SND1: variants seen among roughly 807,000 people sequenced by gnomAD.
SND1 encodes staphylococcal nuclease domain-containing protein 1.
In SND1, 38 loss-of-function variants were observed where a neutral mutation model predicts 121.7. That is an observed-to-expected ratio of 0.31 (90% confidence interval 0.24 to 0.41). SND1 has a LOEUF of 0.41. SND1 is among the 10% of genes least tolerant of loss of function. SND1 has a pLI of 1.00. For missense variants in SND1, 868 were observed against 1,184.6 expected, an observed-to-expected ratio of 0.73 and a Z score of 3.92; for synonymous variants, 401 against 447.4, an observed-to-expected ratio of 0.90 and a Z score of 1.31.
intron 17 of SND1, among the ~76,000 whole-genome samples, chr7:128,078,554 G>A (rs1019843368): frequency 1.3e-5 from 2 of 152,220 alleles, no homozygotes; most frequent in African/African-American, 2.4e-5. Flanking sequence ...GCTGGGGGCT[G>A]AGGGCCATCC....
In SND1 at chr7:127,886,725, C is replaced by T. The variant is rs918514537; in HGVS notation, c.1344-1177C>T. On this transcript the variant is annotated intron_variant, in intron 12 of 23. Coordinates refer to ENST00000354725, the MANE Select transcript of SND1 (RefSeq NM_014390.4). The stretch of plus-strand genomic sequence containing the variant: ...TTCCCTTTCCAGGTTGGGGAGGAAC[C>T]ATTCAAATATGTATCATTAAGTGTC... Among the ~76,000 whole-genome samples, 26 of 151,428 alleles carry T rather than the reference C, an allele frequency of 1.7e-4. 1 individual carries two copies. Among genetic ancestry groups the T allele is most frequent in the African/African-American group, 6.3e-4 (26 of 41,212 alleles).
chr7:128,066,180 C>T (rs930372499), intron 16 of SND1, among the ~76,000 whole-genome samples: 2 of 152,188 alleles, frequency 1.3e-5, no homozygotes, highest in African/African-American at 2.4e-5. Context: ...TGCCCCCCTA[C>T]CCCTACCATC....
intron 5 of SND1, 34 bp from the exon 6 acceptor site, chr7:127,702,401 G>T (rs1796120357): frequency 6.3e-7 from 1 of 1,592,088 alleles, no homozygotes. Flanking sequence ...TAGGATGTTT[G>T]CTAAGGACTT....
chr7:127,716,373 A>G (rs759163056), intron 9 of SND1, among the ~76,000 whole-genome samples: 4 of 151,868 alleles, frequency 2.6e-5, no homozygotes, highest in Non-Finnish European at 5.9e-5. Context: ...TATGTCTCTA[A>G]TTTCTTTCAA....
intron 12 of SND1, chr7:127,858,028 A>T: frequency 6.9e-7 from 1 of 1,442,266 alleles, no homozygotes; most frequent in Non-Finnish European, 9.8e-7. Flanking sequence ...ATATTCCCAC[A>T]TCACATCCAC....
At chr7:127,789,303 G>C (rs2116536864) in intron 10 of SND1, among the ~76,000 whole-genome samples, 1 of 152,304 alleles carries the variant, frequency 6.6e-6, no homozygotes, top group Middle Eastern at 3.4e-3. Context: ...TATTAACCCA[G>C]TTAAGAAGCT....
At chr7:127,995,496 A>C (rs972749083) in intron 16 of SND1, among the ~76,000 whole-genome samples, 1 of 152,258 alleles carries the variant, frequency 6.6e-6, no homozygotes, top group African/African-American at 2.4e-5. Flanking sequence ...ATGGGTAAAT[A>C]ACTGGCTTAA....
At chr7:127,677,739 C>T (rs900552288) in intron 1 of SND1, among the ~76,000 whole-genome samples, 1 of 152,210 alleles carries the variant, frequency 6.6e-6, no homozygotes, top group African/African-American at 2.4e-5. Flanking sequence ...GACTTTCATA[C>T]TCTTTTGCAT....
chr7:127,839,317 A>C (rs1390255375), intron 11 of SND1, among the ~76,000 whole-genome samples: 1 of 152,270 alleles, frequency 6.6e-6, no homozygotes, highest in South Asian at 2.1e-4. Flanking sequence ...ATGAGTGGCT[A>C]TGTGGAATAG....
intron 16 of SND1, among the ~76,000 whole-genome samples, chr7:128,018,688 G>A (rs955829307): frequency 3.9e-5 from 6 of 152,186 alleles, no homozygotes; most frequent in Non-Finnish European, 8.8e-5. Flanking sequence ...GGCAGCCTCT[G>A]GAAGCAGTCC....
intron 12 of SND1, among the ~76,000 whole-genome samples, chr7:127,876,384 G>T (rs1371878023): frequency 1.3e-5 from 2 of 152,088 alleles, no homozygotes; most frequent in Non-Finnish European, 2.9e-5. Flanking sequence ...AACTGGGGTA[G>T]AGAGAGAATC....
At chr7:127,717,977 G>A (rs990002151) in intron 9 of SND1, among the ~76,000 whole-genome samples, 4 of 152,120 alleles carry the variant, frequency 2.6e-5, no homozygotes, top group African/African-American at 4.8e-5. Flanking sequence ...TTCCCCTAAC[G>A]GAACTCTGGT....
At chr7:127,873,393 G>A (rs1166759145) in intron 12 of SND1, among the ~76,000 whole-genome samples, 5 of 152,124 alleles carry the variant, frequency 3.3e-5, no homozygotes, top group East Asian at 1.9e-4. Context: ...CCTGGACTCC[G>A]TAATTGGAGT....
In SND1 at chr7:127,691,011, C is replaced by T. The variant is rs892035154; in HGVS notation, c.229-3817C>T. 3.3e-5 allele frequency among the ~76,000 whole-genome samples: 5 copies of T among 152,170 alleles called. No homozygotes were observed. The East Asian group carries it at 5.8e-4, about 18-fold the overall frequency. On this transcript the variant is annotated intron_variant, in intron 2 of 23. Transcript: ENST00000354725. ...TTCACTGTTCCAAGCTAATCCCCAG[C>T]GTTGCCTAGCTACTCCAGGCAGCTT... is the stretch of plus-strand genomic sequence containing the variant.
At chr7:128,030,750 GA>G in intron 16 of SND1, 1 of 1,350,110 alleles carries the variant, frequency 7.4e-7, no homozygotes, top group Non-Finnish European at 1.0e-6. Context: ...TCTGGAGAAG[GA>G]GGTGGGGAGG....
At chr7:127,660,048 A>G (rs980443242) in intron 1 of SND1, among the ~76,000 whole-genome samples, 3 of 144,686 alleles carry the variant, frequency 2.1e-5, no homozygotes, top group African/African-American at 7.9e-5. Flanking sequence ...TTGAGAAAGA[A>G]GATTAGTGGA....
intron 10 of SND1, among the ~76,000 whole-genome samples, chr7:127,807,277 G>T (rs943360239): frequency 6.6e-6 from 1 of 152,092 alleles, no homozygotes; most frequent in African/African-American, 2.4e-5. Context: ...TTTCTTATTT[G>T]TGAGCCTGTT....
intron 10 of SND1, among the ~76,000 whole-genome samples, chr7:127,786,846 G>A (rs1057192187): frequency 2.6e-5 from 4 of 152,152 alleles, no homozygotes; most frequent in Admixed American, 2.6e-4. Context: ...GTTTCACCGT[G>A]TTAGCCAGGA....
intron 1 of SND1, among the ~76,000 whole-genome samples, chr7:127,653,046 C>A (rs955117230): frequency 1.1e-4 from 16 of 152,104 alleles, no homozygotes; most frequent in African/African-American, 3.4e-4. Context: ...ATTGTTCTCC[C>A]GTCCCTTAAA....
Sources: allele counts gnomAD v4.1 joint callset (sites outside exome capture counted in the v4.1 genomes callset), GRCh38; gene constraint gnomAD v4.1.1; transcripts MANE v1.5; gene names NCBI Gene and HGNC (gene_info 2026-07-23, HGNC 2026-07-21).